Variants in LPIN1 observed in about 807,000 individuals in gnomAD.
The protein encoded by LPIN1 is lipin 1, also known as phosphatidate phosphatase LPIN1.
A neutral mutation model predicts 107.5 loss-of-function variants in LPIN1; 71 were observed. That is an observed-to-expected ratio of 0.66 (90% CI 0.55 to 0.80). The LOEUF is 0.80. LPIN1 is among the 30% of genes least tolerant of loss of function. The pLI is 0.00. For synonymous variants in LPIN1, 445 were observed against 452.6 expected (o/e 0.98, Z 0.21); for missense variants, 1,043 against 1,160.6 (o/e 0.90, Z 1.47).
intron 17 of LPIN1, among the ~76,000 whole-genome samples, chr2:11,807,749 G>A (rs569965775): frequency 5.9e-5 from 9 of 152,236 alleles, no homozygotes; most frequent in South Asian, 4.1e-4. Flanking sequence ...TGTTGTCCGC[G>A]CACCCAGTCA....
intron 1 of LPIN1, chr2:11,677,823 T>G (rs1433373191): frequency 7.2e-6 from 8 of 1,116,570 alleles, no homozygotes; most frequent in Non-Finnish European, 7.8e-6. Flanking sequence ...CCGGGGAACA[T>G]TTGCGCCCAG....
chr2:11,822,715 C>A (rs1558318316), intron 20 of LPIN1, among the ~76,000 whole-genome samples: 4 of 152,168 alleles, frequency 2.6e-5, no homozygotes, highest in African/African-American at 4.8e-5. Context: ...GGGGACACAG[C>A]CAAACCATAT....
intron 5 of LPIN1, 69 bp downstream of exon 5, chr2:11,773,814 G>A: frequency 6.5e-7 from 1 of 1,536,382 alleles, no homozygotes; most frequent in Non-Finnish European, 9.0e-7. Flanking sequence ...GCAATTCTAA[G>A]AAAAGAATGA....
At chr2:11,820,589 T>G (rs993964199) in intron 20 of LPIN1, 75 bp downstream of exon 20, 1 of 1,092,656 alleles carries the variant, frequency 9.2e-7, no homozygotes, top group African/African-American at 1.6e-5. Context: ...CAGTTTGCGG[T>G]GTACCTTTTC....
At chr2:11,693,788 G>A (rs6754603) in intron 1 of LPIN1, among the ~76,000 whole-genome samples, 4,381 of 40,980 alleles carry the variant, frequency 0.11, 610 homozygotes, top group African/African-American at 0.31. Flanking sequence ...GTGTGAGTGT[G>A]TATATATATA....
chr2:11,782,625 G>T, intron 8 of LPIN1, 118 bp downstream of exon 8: 1 of 1,151,480 alleles, frequency 8.7e-7, no homozygotes, highest in South Asian at 1.3e-5. Flanking sequence ...CCGTGACAAT[G>T]ATCATGTTCA....
chr2:11,683,704 TTGCCC>T (rs1191640176), intron 1 of LPIN1, among the ~76,000 whole-genome samples: 1 of 152,166 alleles, frequency 6.6e-6, no homozygotes, highest in African/African-American at 2.4e-5. Context: ...GTAAGCAGAT[TTGCCC>T]TGCCCTGCCC....
At chr2:11,735,137 C>T (rs541974508) in intron 1 of LPIN1, among the ~76,000 whole-genome samples, 13 of 151,968 alleles carry the variant, frequency 8.6e-5, no homozygotes, top group Non-Finnish European at 1.9e-4. Flanking sequence ...ACTAAAAATA[C>T]AAAAATTAGC....
chr2:11,698,606 G>A (rs1250744039), intron 1 of LPIN1, among the ~76,000 whole-genome samples: 1 of 152,260 alleles, frequency 6.6e-6, no homozygotes, highest in Non-Finnish European at 1.5e-5. Context: ...TGAACACGGA[G>A]TGAATTCCTT....
intron 1 of LPIN1, among the ~76,000 whole-genome samples, chr2:11,738,677 G>A (rs1351301680): frequency 2.0e-5 from 3 of 152,216 alleles, no homozygotes. Flanking sequence ...GCAGTGCCAG[G>A]AGAGGGAGCC....
In LPIN1 at chr2:11,779,651, A is replaced by T; in HGVS notation, c.957+6A>T. 1 of 1,613,868 alleles carries T rather than the reference A, an allele frequency of 6.2e-7. No individual in the cohort carries two copies. Among genetic ancestry groups the T allele is most frequent in the Admixed American group, 1.7e-5 (1 of 60,016 alleles). ...AGCTGCCGCAGGCTGCTAAGGTGAG[A>T]GTCTCTTCAATTCTGCCACGGACCG... On this transcript the variant is annotated splice_donor_region_variant and intron_variant, in intron 7 of 20. Coordinates refer to ENST00000674199, the MANE Select transcript of LPIN1 (RefSeq NM_001349206.2).
chr2:11,720,388 G>A (rs569828242), upstream of LPIN1, among the ~76,000 whole-genome samples: 4 of 152,222 alleles, frequency 2.6e-5, no homozygotes, highest in South Asian at 4.1e-4. Flanking sequence ...CCCTCCTATA[G>A]CATCTGTCTG....
chr2:11,760,367 G>C (rs545646563), intron 1 of LPIN1, among the ~76,000 whole-genome samples: 20 of 152,300 alleles, frequency 1.3e-4, no homozygotes, highest in African/African-American at 4.8e-4. Context: ...CCGAGATCAC[G>C]TCACTGCACT....
At position 11,726,464 on chromosome 2, in the gene LPIN1, C is replaced by T. The variant is rs751963360; in HGVS notation, c.-72+1925C>T. ...GTTGCTCCACTGTTACTCCCAGCCA[C>T]GCTCTCCCCCGCCCCCCATCTCTTC... On this transcript the variant is annotated intron_variant, in intron 1 of 21. Transcript: ENST00000396097. Among the ~76,000 whole-genome samples the T allele has an allele frequency of 6.6e-5, 10 of 152,224 alleles. No individual in the cohort carries two copies. In the East Asian group the frequency reaches 1.7e-3, roughly 26 times the overall value.
chr2:11,720,227 A>G (rs1472535852), upstream of LPIN1, among the ~76,000 whole-genome samples: 4 of 152,146 alleles, frequency 2.6e-5, no homozygotes, highest in African/African-American at 9.7e-5. Context: ...GTATATTTTA[A>G]TTATAGTTTA....
intron 20 of LPIN1, among the ~76,000 whole-genome samples, chr2:11,821,940 C>A (rs990364505): frequency 4.6e-5 from 7 of 152,194 alleles, no homozygotes; most frequent in Non-Finnish European, 1.0e-4. Flanking sequence ...GAACTTGATT[C>A]CTTTCTTAAC....
chr2:11,733,431 C>T (rs1243596207), intron 1 of LPIN1, among the ~76,000 whole-genome samples: 1 of 151,988 alleles, frequency 6.6e-6, no homozygotes, highest in Non-Finnish European at 1.5e-5. Context: ...TTAGTATTGT[C>T]CTATACACAC....
At chr2:11,795,269 C>T (rs957522966) in intron 13 of LPIN1, 139 bp from the exon 14 acceptor site, 10 of 727,514 alleles carry the variant, frequency 1.4e-5, no homozygotes, top group East Asian at 5.4e-5. Flanking sequence ...GCCTCCTGGG[C>T]GATCGCTAGG....
upstream of LPIN1, among the ~76,000 whole-genome samples, chr2:11,721,218 G>A (rs954617776): frequency 2.0e-5 from 3 of 151,620 alleles, no homozygotes; most frequent in African/African-American, 7.3e-5. Flanking sequence ...ATAGAGATGC[G>A]CTGGGGTATC....
Sources: allele counts gnomAD v4.1 joint callset (sites outside exome capture counted in the v4.1 genomes callset), GRCh38; gene constraint gnomAD v4.1.1; transcripts MANE v1.5; gene names NCBI Gene and HGNC (gene_info 2026-07-23, HGNC 2026-07-21).